The following MAD1L1 variants were observed in gnomAD, a reference collection of about 807,000 sequenced individuals.
MAD1L1 encodes mitotic arrest deficient 1 like 1.
In MAD1L1, 95 loss-of-function variants were observed where a neutral mutation model predicts 96.9. The observed-to-expected ratio is 0.98, with a 90% CI of 0.83 to 1.16. The LOEUF (loss-of-function observed/expected upper bound fraction) is 1.16. MAD1L1 is among the 50% of genes most tolerant of loss of function. The pLI is 0.00. For synonymous variants in MAD1L1, 473 were observed against 396.6 expected (o/e 1.19, Z -2.29); for missense variants, 1,007 against 954.4 (o/e 1.06, Z -0.73).
intron 14 of MAD1L1, among the ~76,000 whole-genome samples, chr7:1,981,882 C>A (rs959685592): frequency 2.6e-5 from 4 of 152,136 alleles, no homozygotes; most frequent in African/African-American, 9.7e-5. Flanking sequence ...ACTGAAACAT[C>A]ACTATGTACC....
intron 11 of MAD1L1, among the ~76,000 whole-genome samples, chr7:2,129,440 G>A (rs996809181): frequency 3.3e-5 from 5 of 152,212 alleles, no homozygotes; most frequent in Non-Finnish European, 7.3e-5. Context: ...CTGTCCACAC[G>A]GCTCCTGCTA....
chr7:2,133,089 C>A (rs905257207), intron 11 of MAD1L1, among the ~76,000 whole-genome samples: 1 of 150,030 alleles, frequency 6.7e-6, no homozygotes, highest in Admixed American at 6.6e-5. Context: ...CCGTCACCCA[C>A]GTGTCTGCTT....
chr7:1,982,997 G>T (rs923981240), intron 14 of MAD1L1, among the ~76,000 whole-genome samples: 1 of 152,148 alleles, frequency 6.6e-6, no homozygotes, highest in Admixed American at 6.5e-5. Context: ...GCTGGTCCTG[G>T]AATAAATCTT....
rs547687761 is a variant in MAD1L1 at position 1,968,263 on chromosome 7, C to T, written c.1506-10544G>A. On this transcript the variant is annotated intron_variant, in intron 15 of 18. Coordinates refer to ENST00000265854, the MANE Select transcript of MAD1L1 (RefSeq NM_001013836.2). The surrounding 1 kb of genome is among the most constrained non-coding windows in gnomAD (Gnocchi z 5.6). ...CGGTCAGGTCCACCGTCAACACCAG[C>T]GGTCTTGTCCACATCAACGCCTCAG... Among the ~76,000 whole-genome samples the T allele has an allele frequency of 4.0e-4, 60 of 151,398 alleles. No individual in the cohort carries two copies. Among genetic ancestry groups the T allele is most frequent in the Admixed American group, 1.2e-3 (18 of 15,244 alleles).
At chr7:1,919,936 C>T (rs781710509) in intron 17 of MAD1L1, among the ~76,000 whole-genome samples, 3 of 152,152 alleles carry the variant, frequency 2.0e-5, no homozygotes, top group Non-Finnish European at 2.9e-5. Context: ...AGGGCGGAGT[C>T]AGCCTTACCC....
Position 2,069,302 on chromosome 7 carries a change from C to G in MAD1L1, c.1110G>C (p.Gln370His), listed in dbSNP as rs1255261594. Residue 370 changes from glutamine to histidine, a missense_variant, in exon 12 of 19, where the codon CAG (glutamine) becomes CAC (histidine). Physicochemically the swap from Gln to His is conservative, Grantham distance 24 (BLOSUM62 0). Coordinates refer to ENST00000265854, the MANE Select transcript of MAD1L1 (RefSeq NM_001013836.2). The part of the protein sequence containing the change: ...RGLEKARQQL[Q>H]EELRQVSGQL... ...GGCCGCTGACCTGCCGGAGCTCCTC[C>G]TGCAGCTGCTGCCTGGCCTTCTCCA... 1.2e-6 allele frequency: 2 copies of G among 1,608,122 alleles called. No individual in the cohort carries two copies. Among genetic ancestry groups the G allele is most frequent in the Non-Finnish European group, 1.7e-6 (2 of 1,178,916 alleles).
chr7:1,834,056 A>G (rs1051297624), intron 18 of MAD1L1, among the ~76,000 whole-genome samples: 2 of 152,242 alleles, frequency 1.3e-5, no homozygotes, highest in Non-Finnish European at 2.9e-5. Flanking sequence ...AAAAATGTGG[A>G]AACTAACACA....
intron 18 of MAD1L1, among the ~76,000 whole-genome samples, chr7:1,868,092 C>T (rs895165538): frequency 6.6e-6 from 1 of 152,188 alleles, no homozygotes; most frequent in Non-Finnish European, 1.5e-5. Context: ...GCCGTGCCCG[C>T]TCAGAGTGGG....
intron 10 of MAD1L1, among the ~76,000 whole-genome samples, chr7:2,162,500 G>T (rs1372249809): frequency 2.0e-5 from 3 of 151,158 alleles, no homozygotes; most frequent in East Asian, 1.9e-4. Flanking sequence ...CTTTGTTCAC[G>T]TGTTTATCTG....
intron 17 of MAD1L1, among the ~76,000 whole-genome samples, chr7:1,919,665 A>G (rs1788651754): frequency 6.6e-6 from 1 of 152,214 alleles, no homozygotes; most frequent in Non-Finnish European, 1.5e-5. Flanking sequence ...TGCCTCTGCT[A>G]TAAACACACC....
intron 14 of MAD1L1, among the ~76,000 whole-genome samples, chr7:1,985,420 G>A (rs1190603376): frequency 2.6e-5 from 4 of 152,018 alleles, no homozygotes; most frequent in African/African-American, 7.3e-5. Context: ...TGCAGACCAC[G>A]GGATCCTGGC....
At chr7:1,938,659 A>T (rs1227104403) in intron 16 of MAD1L1, among the ~76,000 whole-genome samples, 1 of 152,200 alleles carries the variant, frequency 6.6e-6, no homozygotes, top group East Asian at 1.9e-4. Context: ...ATGTGAGCAG[A>T]CACTTCCCAA....
chr7:1,898,671 C>G (rs1170803007), intron 17 of MAD1L1, among the ~76,000 whole-genome samples: 1 of 152,212 alleles, frequency 6.6e-6, no homozygotes, highest in East Asian at 1.9e-4. Flanking sequence ...CAGCCAGGGC[C>G]CCTCCACAGG....
At chr7:1,833,523 A>T (rs1227076699) in intron 18 of MAD1L1, among the ~76,000 whole-genome samples, 2 of 152,258 alleles carry the variant, frequency 1.3e-5, no homozygotes, top group Admixed American at 1.3e-4. Flanking sequence ...AAACATTATT[A>T]AAAATGTCAG....
At chr7:2,079,010 A>C (rs1281495866) in intron 11 of MAD1L1, among the ~76,000 whole-genome samples, 2 of 104,624 alleles carry the variant, frequency 1.9e-5, no homozygotes, top group Non-Finnish European at 4.0e-5. Context: ...GACACGTTCC[A>C]TGTGTCTCTC....
intron 17 of MAD1L1, among the ~76,000 whole-genome samples, chr7:1,929,453 G>C (rs1365452314): frequency 6.6e-6 from 1 of 152,182 alleles, no homozygotes; most frequent in Non-Finnish European, 1.5e-5. Context: ...GCCGGGCTTT[G>C]GGGCTCCTAT....
chr7:2,050,146 G>A (rs199628722), intron 12 of MAD1L1, among the ~76,000 whole-genome samples: 1 of 133,280 alleles, frequency 7.5e-6, no homozygotes, highest in Admixed American at 7.6e-5. Context: ...CAGCGTCTGC[G>A]GGCACCAGAC....
At chr7:1,838,530 T>C (rs1783055705) in intron 18 of MAD1L1, 1 of 340,374 alleles carries the variant, frequency 2.9e-6, no homozygotes, top group Non-Finnish European at 6.0e-6. Context: ...CGTGGTCCAA[T>C]GTGAGCGAAC....
chr7:1,885,683 G>C (rs1002289332), intron 18 of MAD1L1, among the ~76,000 whole-genome samples: 3 of 152,158 alleles, frequency 2.0e-5, no homozygotes, highest in African/African-American at 7.2e-5. Flanking sequence ...CAACCCCAAG[G>C]TGCCCACTCA....
Sources: allele counts gnomAD v4.1 joint callset (sites outside exome capture counted in the v4.1 genomes callset), GRCh38; gene constraint gnomAD v4.1.1; non-coding constraint Gnocchi (gnomAD v3.1); transcripts MANE v1.5; gene names NCBI Gene and HGNC (gene_info 2026-07-23, HGNC 2026-07-21).